Variants in LRRC61 observed in about 807,000 individuals in gnomAD.
LRRC61 encodes the protein leucine-rich repeat-containing protein 61.
A neutral mutation model predicts 15.1 loss-of-function variants in LRRC61; 9 were observed. That is an observed-to-expected ratio of 0.60 (90% CI 0.36 to 1.04). The LOEUF (loss-of-function observed/expected upper bound fraction) is 1.04, where lower values mean the gene tolerates loss of function less well. Among genes scored for constraint, LRRC61 ranks in the 50% least tolerant of loss-of-function variants. The pLI is 0.01. For synonymous variants in LRRC61, 173 were observed against 158.6 expected, an observed-to-expected ratio of 1.09 and a Z score of -0.68; for missense variants, 344 against 335.6, an observed-to-expected ratio of 1.03 and a Z score of -0.20.
the LRRC61 span, among the ~76,000 whole-genome samples, chr7:150,315,552 T>A: frequency 6.6e-6 from 1 of 152,260 alleles, no homozygotes; most frequent in Non-Finnish European, 1.5e-5. Flanking sequence ...TAATTCGTTG[T>A]TAGCATTCAA....
chr7:150,337,227 G>T lies in LRRC61; in HGVS notation c.366G>T (p.Pro122=). 1 of 1,604,804 alleles carries T rather than the reference G, an allele frequency of 6.2e-7. No individual in the cohort carries two copies. The highest frequency in any genetic ancestry group is 1.6e-4 in the Middle Eastern group (1 of 6,062). ...AGCTGCAGTGTCTGGCTGGGCTACC[G>T]TGCCTGGAGTACCTGCGGCTCCGAG... ...PGQLQCLAGL[P]CLEYLRLRDP... Residue 122 remains proline (P), a synonymous_variant, in exon 3 of 3, where the codon CCG becomes CCT. Transcript: ENST00000359623.
rs1441225463 is a variant in LRRC61 at position 150,337,157 on chromosome 7, T to C, written c.296T>C (p.Leu99Ser). ...GAGCCACTGGCCACCTGTGAGAACT[T>C]GCAGAGTCTCAATGCCGCAGGCAAC... ...GLEPLATCENLQSLNAAGNLL... is the reference protein window; with the variant it reads ...GLEPLATCENSQSLNAAGNLL... The change falls in exon 3 of 3, where the codon TTG becomes TCG. Residue 99 changes from leucine (L) to serine (S), a missense_variant. Physicochemically the swap from Leu to Ser is moderately radical, Grantham distance 145. Transcript: ENST00000359623. 6.2e-7 allele frequency: 1 copy of C among 1,610,888 alleles called. No individual in the cohort carries two copies. The highest frequency in any genetic ancestry group is 2.2e-5 in the East Asian group (1 of 44,874).
chr7:150,328,654 G>C (rs574742752), intron 2 of LRRC61: 1 of 152,344 alleles, frequency 6.6e-6, no homozygotes, highest in East Asian at 1.9e-4. Flanking sequence ...TGCTGAATCA[G>C]CGCTGCAGCA....
At chr7:150,311,879 C>A in the LRRC61 span, among the ~76,000 whole-genome samples, 1 of 152,176 alleles carries the variant, frequency 6.6e-6, no homozygotes, top group African/African-American at 2.4e-5. Context: ...TGCACATTAA[C>A]ATTTACACTG....
At chr7:150,309,664 A>G in the LRRC61 span, among the ~76,000 whole-genome samples, 7,183 of 152,206 alleles carry the variant, frequency 0.047, 577 homozygotes, top group African/African-American at 0.16. Flanking sequence ...AGAAATGCCC[A>G]CAGCCCAGGA....
At chr7:150,314,535 G>C in the LRRC61 span, among the ~76,000 whole-genome samples, 1 of 152,160 alleles carries the variant, frequency 6.6e-6, no homozygotes, top group Non-Finnish European at 1.5e-5. Flanking sequence ...AAGACAGGGA[G>C]ATGTGTGAAG....
At chr7:150,328,487 A>G (rs534315071) in intron 2 of LRRC61, 2 of 152,244 alleles carry the variant, frequency 1.3e-5, no homozygotes, top group Non-Finnish European at 2.9e-5. Flanking sequence ...AGATACAGGA[A>G]CTAGAGGGGG....
At position 150,333,026 on chromosome 7, in the gene LRRC61, C is replaced by T. The variant is rs567764048; in HGVS notation, c.-144-3692C>T. ...TCCTCAGGTTGCCTTGGGCAGCGTG[C>T]GTGACTGTGCTTCCATCCTTGAGCA... is the stretch of plus-strand genomic sequence containing the variant. On this transcript the variant is annotated intron_variant, in intron 2 of 2. Transcript: ENST00000359623. The surrounding 1 kb of genome is among the most constrained non-coding windows in gnomAD (Gnocchi z 4.3). Among the ~76,000 whole-genome samples the T allele has an allele frequency of 3.3e-5, 5 of 152,160 alleles. No individual in the cohort carries two copies. Among genetic ancestry groups the T allele is most frequent in the East Asian group, 1.9e-4 (1 of 5,200 alleles).
chr7:150,324,874 A>C (rs1475453118), intron 1 of LRRC61, among the ~76,000 whole-genome samples: 3 of 151,960 alleles, frequency 2.0e-5, no homozygotes, highest in African/African-American at 7.3e-5. Flanking sequence ...CCGCCCACTG[A>C]AGGGACCTTT....
At chr7:150,318,620 G>T (rs117724253), upstream of LRRC61, among the ~76,000 whole-genome samples, 2,527 of 152,244 alleles carry the variant, frequency 0.017, 29 homozygotes, top group Non-Finnish European at 0.026. Flanking sequence ...AAATTAGCCA[G>T]GCGTGGTGGT....
intron 2 of LRRC61, among the ~76,000 whole-genome samples, chr7:150,336,302 C>G (rs907399871): frequency 6.6e-6 from 1 of 152,142 alleles, no homozygotes; most frequent in South Asian, 2.1e-4. Context: ...ATTGATTATC[C>G]CAGAAAGAAA....
At chr7:150,328,632 T>C (rs967346941) in intron 2 of LRRC61, 1 of 152,214 alleles carries the variant, frequency 6.6e-6, no homozygotes, top group Non-Finnish European at 1.5e-5. Flanking sequence ...CTTTTCTCCT[T>C]AGTTACCGTG....
rs1476996546 is a variant in LRRC61, at chr7:150,337,222, C to T, written c.361C>T (p.Leu121=). ...TPGQLQCLAG[L]PCLEYLRLRD... is the part of the protein sequence containing the mutation. Reference sequence around the variant, plus strand: ...GGGCCAGCTGCAGTGTCTGGCTGGGCTACCGTGCCTGGAGTACCTGCGGCT... The same window carrying T: ...GGGCCAGCTGCAGTGTCTGGCTGGGTTACCGTGCCTGGAGTACCTGCGGCT... The change falls in exon 3 of 3, where the codon CTA becomes TTA. Residue 121 remains leucine, a synonymous_variant. Transcript: ENST00000359623. 6.2e-7 allele frequency: 1 copy of T among 1,605,080 alleles called. No individual in the cohort carries two copies. Among genetic ancestry groups the T allele is most frequent in the Non-Finnish European group, 8.5e-7 (1 of 1,179,908 alleles).
chr7:150,324,099 C>T (rs1797839643), intron 1 of LRRC61, among the ~76,000 whole-genome samples: 1 of 152,252 alleles, frequency 6.6e-6, no homozygotes, highest in Non-Finnish European at 1.5e-5. Flanking sequence ...TTGCTCTCCT[C>T]TTTTCCTTTC....
chr7:150,309,562 C>T, the LRRC61 span, among the ~76,000 whole-genome samples: 1 of 152,240 alleles, frequency 6.6e-6, no homozygotes, highest in South Asian at 2.1e-4. Context: ...CACACAAAAA[C>T]TTCAGAACAA....
At chr7:150,334,521 G>A (rs531871594) in intron 2 of LRRC61, among the ~76,000 whole-genome samples, 18 of 152,322 alleles carry the variant, frequency 1.2e-4, no homozygotes, top group African/African-American at 4.3e-4. Flanking sequence ...AGAGAGCTCT[G>A]TATCCCCAGC....
chr7:150,329,148 G>T (rs1033123127), intron 2 of LRRC61, among the ~76,000 whole-genome samples: 4 of 152,232 alleles, frequency 2.6e-5, no homozygotes, highest in African/African-American at 9.6e-5. Context: ...AGTTCAATAG[G>T]CTGGGTCCTC....
In LRRC61 at chr7:150,333,957, G is replaced by C; in HGVS notation, c.-144-2761G>C. The C allele has an allele frequency of 1.0e-6, 1 of 985,324 alleles. No individual in the cohort carries two copies. The highest frequency in any genetic ancestry group is 1.1e-4 in the East Asian group (1 of 8,818). The allele number at this position is 985,324 out of a possible 1,614,324, so 61.0% of individuals were successfully genotyped here. ...ATGCACGACCCATCACCAAGACCCA[G>C]GCCTGCATCTGGTGAGGGCAGGACG... On this transcript the variant is annotated intron_variant, in intron 2 of 2. Transcript: ENST00000359623. This position sits in a 1 kb window ranked among gnomAD's most constrained non-coding sequence, Gnocchi z 4.3.
rs1798303493 is a variant in LRRC61, at chr7:150,336,701, TGAC to T, written c.-144-16_-144-14del. 3.3e-6 allele frequency: 3 copies of T among 905,882 alleles called. No homozygotes were observed. The highest frequency in any genetic ancestry group is 5.1e-5 in the Admixed American group (2 of 39,338). 56.1% of individuals were successfully genotyped at this position (905,882 alleles called of 1,614,324 possible). On this transcript the variant is annotated splice_polypyrimidine_tract_variant and intron_variant, in intron 2 of 2. Transcript: ENST00000359623. The stretch of plus-strand genomic sequence containing the variant: ...GACACAGAAAGTGCTGCCTGCTGAC[TGAC>T]TGTCTCTCCTCAGGGACTGGCTGGC...
Sources: gnomAD v4.1 joint callset for allele counts (sites outside exome capture counted in the v4.1 genomes callset) on GRCh38, gnomAD v4.1.1 for gene constraint, Gnocchi (gnomAD v3.1) non-coding constraint, MANE v1.5 for transcripts, NCBI Gene and HGNC (gene_info 2026-07-23, HGNC 2026-07-21) for gene names.